CLDN10: variants seen among roughly 807,000 people sequenced by gnomAD.
CLDN10 encodes the protein claudin 10, also known as claudin-10.
Under a neutral mutation model 22.9 loss-of-function variants are expected in CLDN10, and 15 were observed. The ratio of observed to expected loss-of-function variants is 0.65; its 90% CI spans 0.44 to 1.01. The LOEUF (loss-of-function observed/expected upper bound fraction) is 1.01, where lower values mean the gene tolerates loss of function less well. CLDN10 is among the 50% of genes least tolerant of loss of function. The probability of loss-of-function intolerance (pLI) is 0.00; values close to 1 mark genes in which losing one functional copy is unlikely to be tolerated. For missense variants in CLDN10, 247 were observed against 287.8 expected (o/e 0.86, Z 1.03); for synonymous variants, 114 against 111.4 (o/e 1.02, Z -0.15).
chr13:95,472,012 G>T (rs1000968343), intron 1 of CLDN10, among the ~76,000 whole-genome samples: 3 of 144,206 alleles, frequency 2.1e-5, no homozygotes, highest in African/African-American at 8.0e-5. Context: ...TCGAACTCCT[G>T]CAGTCAAGCG....
At chr13:95,489,214 G>A (rs1276043027) in intron 1 of CLDN10, among the ~76,000 whole-genome samples, 1 of 151,974 alleles carries the variant, frequency 6.6e-6, no homozygotes, top group African/African-American at 2.4e-5. Flanking sequence ...CTCCCAAAGT[G>A]CTGGGATTAC....
chr13:95,574,464 G>T (rs1566346288), intron 3 of CLDN10, among the ~76,000 whole-genome samples: 1 of 152,174 alleles, frequency 6.6e-6, no homozygotes, highest in Non-Finnish European at 1.5e-5. Context: ...TGAATATGTA[G>T]TGACTTAGAT....
At chr13:95,481,555 C>T (rs1038693567) in intron 1 of CLDN10, among the ~76,000 whole-genome samples, 1 of 152,132 alleles carries the variant, frequency 6.6e-6, no homozygotes, top group Non-Finnish European at 1.5e-5. Context: ...GTTTCTGTGG[C>T]AATTATTCAA....
At chr13:95,453,206 T>TTTTCC (rs2042448937) in intron 1 of CLDN10, among the ~76,000 whole-genome samples, 1 of 152,208 alleles carries the variant, frequency 6.6e-6, no homozygotes, top group Non-Finnish European at 1.5e-5. Flanking sequence ...AACTCCAAAC[T>TTTTCC]TTTCCAGGAG....
intron 1 of CLDN10, among the ~76,000 whole-genome samples, chr13:95,480,779 A>G (rs116089690): frequency 0.012 from 1,861 of 152,346 alleles, 49 homozygotes; most frequent in African/African-American, 0.042. Flanking sequence ...GAAATATTCA[A>G]TAGACACGCT....
At chr13:95,539,327 C>T (rs2043435850) in intron 1 of CLDN10, among the ~76,000 whole-genome samples, 1 of 152,198 alleles carries the variant, frequency 6.6e-6, no homozygotes, top group Non-Finnish European at 1.5e-5. Context: ...AGTGAGGATG[C>T]TGGCATTACA....
intron 1 of CLDN10, among the ~76,000 whole-genome samples, chr13:95,443,268 G>A (rs1324445960): frequency 6.6e-6 from 1 of 152,210 alleles, no homozygotes; most frequent in Admixed American, 6.5e-5. Flanking sequence ...TTTCTTAGCT[G>A]TAGGATAACG....
chr13:95,487,351 T>C (rs984779695), intron 1 of CLDN10, among the ~76,000 whole-genome samples: 5 of 152,224 alleles, frequency 3.3e-5, no homozygotes, highest in Admixed American at 2.6e-4. Context: ...TCAGTACAAA[T>C]AATGCTGAAG....
chr13:95,484,857 C>T (rs1180106774), intron 1 of CLDN10, among the ~76,000 whole-genome samples: 1 of 113,664 alleles, frequency 8.8e-6, no homozygotes, highest in Admixed American at 9.5e-5. Flanking sequence ...CAAAGTGAGA[C>T]CCTGTCTCAA....
intron 1 of CLDN10, chr13:95,479,814 G>A (rs1470719602): frequency 6.6e-6 from 1 of 152,218 alleles, no homozygotes; most frequent in Admixed American, 6.5e-5. Context: ...CTGTCTGTAT[G>A]TACAGCTCCT....
At chr13:95,522,684 A>G (rs982432923) in intron 1 of CLDN10, among the ~76,000 whole-genome samples, 1 of 152,046 alleles carries the variant, frequency 6.6e-6, no homozygotes, top group African/African-American at 2.4e-5. Flanking sequence ...AGATTTATCT[A>G]TCTCCTGTAG....
At chr13:95,463,002 C>A (rs1047768757) in intron 1 of CLDN10, among the ~76,000 whole-genome samples, 5 of 152,028 alleles carry the variant, frequency 3.3e-5, no homozygotes, top group African/African-American at 9.7e-5. Context: ...GGACTGAGGC[C>A]TTCAGAGCCT....
rs536175824 is a variant in CLDN10, at chr13:95,527,885, G to A, written c.215-32247G>A. The stretch of plus-strand genomic sequence containing the variant: ...TTCTAACAGGAGTGTGACATTTGTA[G>A]GGAAAAGTTTTTTGCTATTCGACTG... On this transcript the variant is annotated intron_variant, in intron 1 of 4. Coordinates refer to the CLDN10 transcript ENST00000376873. Among the ~76,000 whole-genome samples the A allele has an allele frequency of 4.6e-5, 7 of 152,334 alleles. No homozygotes were observed. In the South Asian group the frequency reaches 1.5e-3, roughly 32 times the overall value.
At chr13:95,528,077 C>A (rs577943836) in intron 1 of CLDN10, among the ~76,000 whole-genome samples, 193 of 152,282 alleles carry the variant, frequency 1.3e-3, no homozygotes, top group African/African-American at 4.5e-3. Context: ...CCCTGTGTGA[C>A]TGGCTGTATC....
chr13:95,522,555 G>C (rs932911576), intron 1 of CLDN10, among the ~76,000 whole-genome samples: 1 of 152,020 alleles, frequency 6.6e-6, no homozygotes, highest in Non-Finnish European at 1.5e-5. Context: ...GATTCAAAAT[G>C]TGATTCTTGG....
chr13:95,511,768 T>C (rs1190907607), intron 1 of CLDN10, among the ~76,000 whole-genome samples: 3 of 2,988 alleles, frequency 1.0e-3, no homozygotes, highest in Non-Finnish European at 4.3e-3. Flanking sequence ...TTCTCTCTCC[T>C]TTTTTTTTTT....
At chr13:95,480,073 G>GAGC (rs1481394633) in intron 1 of CLDN10, 2 of 151,974 alleles carry the variant, frequency 1.3e-5, no homozygotes, top group Non-Finnish European at 2.9e-5. Context: ...GGTGAAGGAG[G>GAGC]AACGTCACAT....
At chr13:95,466,775 A>G (rs2042584721) in intron 1 of CLDN10, among the ~76,000 whole-genome samples, 1 of 152,142 alleles carries the variant, frequency 6.6e-6, no homozygotes, top group African/African-American at 2.4e-5. Flanking sequence ...AATAATGTAC[A>G]AAAGTAGAGA....
At chr13:95,436,168 C>T (rs1300429312) in intron 1 of CLDN10, among the ~76,000 whole-genome samples, 1 of 152,040 alleles carries the variant, frequency 6.6e-6, no homozygotes, top group Non-Finnish European at 1.5e-5. Context: ...ATCTCTCACC[C>T]TTAACACTTT....
Sources: gnomAD v4.1 joint callset for allele counts (sites outside exome capture counted in the v4.1 genomes callset) on GRCh38, gnomAD v4.1.1 for gene constraint, MANE v1.5 for transcripts, NCBI Gene and HGNC (gene_info 2026-07-23, HGNC 2026-07-21) for gene names.